CD109: variants seen among roughly 807,000 people sequenced by gnomAD.
The protein encoded by CD109 is CD109 molecule.
In CD109, 149 loss-of-function variants were observed where a neutral mutation model predicts 165.8. The observed-to-expected ratio is 0.90, with a 90% CI of 0.79 to 1.03. CD109 has a LOEUF of 1.03. Ranked by LOEUF, CD109 falls within the 50% of genes least tolerant of loss-of-function variation. CD109 has a pLI of 0.00. For missense variants in CD109, 1,712 were observed against 1,677.8 expected (o/e 1.02, Z -0.36); for synonymous variants, 585 against 592.1 (o/e 0.99, Z 0.18).
intron 23 of CD109, among the ~76,000 whole-genome samples, chr6:73,798,904 T>A (rs979366521): frequency 2.6e-5 from 4 of 152,150 alleles, no homozygotes; most frequent in Non-Finnish European, 5.9e-5. Flanking sequence ...GGTCTTTCTG[T>A]CACAAAAGTA....
chr6:73,784,340 A>T (rs930719162), intron 19 of CD109, among the ~76,000 whole-genome samples: 1 of 152,236 alleles, frequency 6.6e-6, no homozygotes, highest in Non-Finnish European at 1.5e-5. Context: ...TTACAAAATA[A>T]TCGTATTCAT....
chr6:73,689,144 G>C, the CD109 span, among the ~76,000 whole-genome samples: 1 of 152,126 alleles, frequency 6.6e-6, no homozygotes, highest in Non-Finnish European at 1.5e-5. Context: ...ACTAGAATTG[G>C]CAGAGGTCAT....
At chr6:73,802,680 T>C (rs1377198491) in intron 23 of CD109, among the ~76,000 whole-genome samples, 1 of 151,586 alleles carries the variant, frequency 6.6e-6, no homozygotes. Flanking sequence ...TTACTTTAAT[T>C]TGGGATATCA....
At chr6:73,758,094 C>T (rs991965192) in intron 6 of CD109, among the ~76,000 whole-genome samples, 3 of 151,904 alleles carry the variant, frequency 2.0e-5, no homozygotes, top group African/African-American at 4.8e-5. Context: ...ACTTTTTGGT[C>T]TCCCTGTCCT....
rs1405963361 is a variant in CD109 at position 73,778,694 on chromosome 6, C to CCTGTTCTAGTTGCTTA, written c.1828-1725_1828-1710dup. Among the ~76,000 whole-genome samples the CCTGTTCTAGTTGCTTA allele has an allele frequency of 3.3e-5, 5 of 151,828 alleles. No homozygotes were observed. The East Asian group carries it at 9.6e-4, about 29-fold the overall frequency. On this transcript the variant is annotated intron_variant, in intron 15 of 32. Transcript: ENST00000287097. ...TTATTTTATTGTTTTCTTATTGGTG[C>CCTGTTCTAGTTGCTTA]CTGTTCTAGTTGCTTACTGTGGATG...
At chr6:73,795,165 G>C (rs1015556727) in intron 23 of CD109, among the ~76,000 whole-genome samples, 1 of 69,922 alleles carries the variant, frequency 1.4e-5, no homozygotes, top group African/African-American at 6.9e-5. Flanking sequence ...AATTAGACTG[G>C]TGCTTTATAA....
At chr6:73,816,214 G>T (rs1228197816) in intron 30 of CD109, among the ~76,000 whole-genome samples, 2 of 152,048 alleles carry the variant, frequency 1.3e-5, no homozygotes, top group African/African-American at 4.8e-5. Context: ...AGCAGCAAGG[G>T]GATATCAGAA....
At chr6:73,807,945 T>C (rs1262791572) in intron 25 of CD109, 138 bp from the exon 26 acceptor site, 2 of 647,642 alleles carry the variant, frequency 3.1e-6, no homozygotes, top group Non-Finnish European at 5.1e-6. Flanking sequence ...ATGGTTGATT[T>C]TCATTGCCTA....
chr6:73,703,820 T>C (rs73754658), intron 2 of CD109, among the ~76,000 whole-genome samples: 1,753 of 152,292 alleles, frequency 0.012, 29 homozygotes, highest in African/African-American at 0.04. Context: ...TTCTGTTGCT[T>C]TGTTTCTCAG....
intron 31 of CD109, among the ~76,000 whole-genome samples, chr6:73,819,604 C>T (rs189976102): frequency 4.6e-5 from 7 of 152,280 alleles, no homozygotes; most frequent in Admixed American, 2.0e-4. Context: ...TGAATGGTCT[C>T]ATTTGTTTTA....
intron 5 of CD109, among the ~76,000 whole-genome samples, chr6:73,745,316 G>A (rs973208635): frequency 6.6e-6 from 1 of 152,142 alleles, no homozygotes; most frequent in African/African-American, 2.4e-5. Flanking sequence ...TGTTGGCCAG[G>A]CTGGTCTTGA....
intron 23 of CD109, among the ~76,000 whole-genome samples, chr6:73,802,264 T>C: frequency 1.0e-5 from 1 of 97,418 alleles, no homozygotes; most frequent in African/African-American, 4.0e-5. Context: ...TATATGTGTG[T>C]GTGTGTGTGT....
At position 73,703,597 on chromosome 6, in the gene CD109, A is replaced by G. The variant is rs113875658; in HGVS notation, c.247+6025A>G. Among the ~76,000 whole-genome samples, 1,244 of 152,336 alleles carry G rather than the reference A, an allele frequency of 8.2e-3. 6 individuals are homozygous for G. The highest frequency in any genetic ancestry group is 0.012 in the Non-Finnish European group (837 of 68,028). ...TCTACGAAAGTTTCCTAACATATGG[A>G]GAGCTGAGCTTAAGACCTAAGATAT... On this transcript the variant is annotated intron_variant, in intron 2 of 32. Coordinates refer to ENST00000287097, the MANE Select transcript of CD109 (RefSeq NM_133493.5).
At chr6:73,769,611 T>TA (rs1325253768) in intron 14 of CD109, among the ~76,000 whole-genome samples, 1 of 152,226 alleles carries the variant, frequency 6.6e-6, no homozygotes, top group Non-Finnish European at 1.5e-5. Context: ...AGAAATGGAA[T>TA]ATGTCTAAGC....
At position 73,756,701 on chromosome 6, in the gene CD109, AT is replaced by A; in HGVS notation, c.673+23del. 6.7e-7 allele frequency: 1 copy of A among 1,486,012 alleles called. No individual in the cohort carries two copies. The highest frequency in any genetic ancestry group is 9.1e-7 in the Non-Finnish European group (1 of 1,098,860). The allele number at this position is 1,486,012 out of a possible 1,614,324, so 92.1% of individuals were successfully genotyped here. On this transcript the variant is annotated intron_variant, in intron 6 of 32. Coordinates refer to ENST00000287097, the MANE Select transcript of CD109 (RefSeq NM_133493.5). ...GAATATGGTAAGAGTTCCTCAATCT[AT>A]TTTGGAAGAAAAAAACATTTGTTAC... is the stretch of plus-strand genomic sequence containing the variant.
intron 2 of CD109, among the ~76,000 whole-genome samples, chr6:73,719,563 A>G (rs895691927): frequency 5.3e-5 from 8 of 152,194 alleles, no homozygotes; most frequent in Non-Finnish European, 1.2e-4. Flanking sequence ...GTTGTAACCC[A>G]TTATTTATTT....
At position 73,782,621 on chromosome 6, in the gene CD109, T is replaced by G. The variant is rs1265712205; in HGVS notation, c.1971T>G (p.Asn657Lys). 2 of 1,612,880 alleles carry G rather than the reference T, an allele frequency of 1.2e-6. No homozygotes were observed. Among genetic ancestry groups the G allele is most frequent in the East Asian group, 2.2e-5 (1 of 44,832 alleles). ...TKDYIDGVYD[N>K]AEYAERFMEE... ...GTCAATGTTTATTTATAGATGACAA[T>G]GCAGAATATGCTGAGAGGTTTATGG... The change falls in exon 18 of 33, where the codon AAT (asparagine) becomes AAG (lysine). Residue 657 changes from asparagine to lysine, a missense_variant. Physicochemically the swap from Asn to Lys is moderately conservative, Grantham distance 94 (BLOSUM62 0). Coordinates refer to ENST00000287097, the MANE Select transcript of CD109 (RefSeq NM_133493.5).
At chr6:73,710,326 T>C (rs1403593617) in intron 2 of CD109, among the ~76,000 whole-genome samples, 1 of 152,052 alleles carries the variant, frequency 6.6e-6, no homozygotes, top group East Asian at 1.9e-4. Flanking sequence ...AAATCATGAG[T>C]GAACTCCCAT....
chr6:73,769,257 T>C (rs1433853291), intron 14 of CD109, among the ~76,000 whole-genome samples: 2 of 152,186 alleles, frequency 1.3e-5, no homozygotes, highest in African/African-American at 4.8e-5. Context: ...AAACTTCTAT[T>C]TTTTTAGCTT....
Sources: gnomAD v4.1 joint callset for allele counts (sites outside exome capture counted in the v4.1 genomes callset) on GRCh38, gnomAD v4.1.1 for gene constraint, MANE v1.5 for transcripts, NCBI Gene and HGNC (gene_info 2026-07-23, HGNC 2026-07-21) for gene names.